SAMMSON: variants seen among roughly 807,000 people sequenced by gnomAD.
The protein encoded by SAMMSON is survival associated mitochondrial melanoma specific oncogenic non-coding RNA.
At chr3:70,050,071 C>A (rs1473895504) in intron 3 of SAMMSON, among the ~76,000 whole-genome samples, 2 of 152,094 alleles carry the variant, frequency 1.3e-5, no homozygotes, top group Non-Finnish European at 2.9e-5. Context: ...GGAGGTATTA[C>A]AAGCTAAAGG....
intron 7 of SAMMSON, among the ~76,000 whole-genome samples, chr3:70,311,699 A>G (rs918810792): frequency 2.1e-4 from 32 of 152,148 alleles, no homozygotes; most frequent in Non-Finnish European, 3.7e-4. Context: ...AAGCATTTTA[A>G]TAATAAAGAT....
At chr3:70,251,587 G>T (rs1389893708) in intron 6 of SAMMSON, among the ~76,000 whole-genome samples, 1 of 152,170 alleles carries the variant, frequency 6.6e-6, no homozygotes, top group Non-Finnish European at 1.5e-5. Flanking sequence ...TTAGTGGCTT[G>T]ACTTGGCCAA....
chr3:70,219,848 G>A (rs139308830), intron 4 of SAMMSON, among the ~76,000 whole-genome samples: 3 of 152,218 alleles, frequency 2.0e-5, no homozygotes, highest in Non-Finnish European at 4.4e-5. Flanking sequence ...AGAACATACA[G>A]ATCTCACCTA....
rs145391729 is a variant in SAMMSON, at chr3:70,207,872, A to C, written n.508-41235A>C. ...TGGAACCAGTTCCCCTCAGACACTG[A>C]GGGACAACTGTATGCATTCTCCTGC... On this transcript the variant is annotated intron_variant and non_coding_transcript_variant, in intron 4 of 9. Transcript: ENST00000642114. 3.4e-4 allele frequency among the ~76,000 whole-genome samples: 52 copies of C among 152,112 alleles called. No individual in the cohort carries two copies. In the East Asian group the frequency reaches 6.4e-3, roughly 19 times the overall value.
intron 4 of SAMMSON, among the ~76,000 whole-genome samples, chr3:70,081,139 A>G (rs142250578): frequency 0.016 from 2,382 of 152,242 alleles, 34 homozygotes; most frequent in Middle Eastern, 0.048. Flanking sequence ...TTTAAGACGG[A>G]GTCTCACTCT....
intron 3 of SAMMSON, among the ~76,000 whole-genome samples, chr3:70,047,279 G>C (rs2067130357): frequency 6.6e-6 from 1 of 151,746 alleles, no homozygotes; most frequent in Non-Finnish European, 1.5e-5. Flanking sequence ...AAATATAGTA[G>C]ATGCTCAGCA....
chr3:70,010,858 CAG>C (rs951198918), intron 1 of SAMMSON, among the ~76,000 whole-genome samples: 11 of 152,160 alleles, frequency 7.2e-5, no homozygotes, highest in African/African-American at 2.2e-4. Flanking sequence ...TGAGTGCAAA[CAG>C]GGGAAATGCC....
chr3:70,037,712 G>T (rs2067091550), intron 3 of SAMMSON, among the ~76,000 whole-genome samples: 1 of 152,078 alleles, frequency 6.6e-6, no homozygotes, highest in African/African-American at 2.4e-5. Context: ...TTGCACCTGT[G>T]GCAGACATTA....
At chr3:70,220,388 A>G (rs1701451937) in intron 4 of SAMMSON, among the ~76,000 whole-genome samples, 1 of 152,082 alleles carries the variant, frequency 6.6e-6, no homozygotes, top group Non-Finnish European at 1.5e-5. Flanking sequence ...GCAGTGAGCT[A>G]TGATGGCACC....
At chr3:70,243,854 G>A (rs1465356323) in intron 4 of SAMMSON, among the ~76,000 whole-genome samples, 1 of 152,208 alleles carries the variant, frequency 6.6e-6, no homozygotes, top group Non-Finnish European at 1.5e-5. Flanking sequence ...AGGAGGATAT[G>A]TGGAGGAATT....
intron 4 of SAMMSON, among the ~76,000 whole-genome samples, chr3:70,232,921 G>T (rs1295540835): frequency 6.6e-6 from 1 of 152,100 alleles, no homozygotes; most frequent in Non-Finnish European, 1.5e-5. Flanking sequence ...AGGCGTGGGG[G>T]TTCACACCGG....
At chr3:70,107,880 A>G (rs2067373365) in intron 4 of SAMMSON, among the ~76,000 whole-genome samples, 1 of 152,086 alleles carries the variant, frequency 6.6e-6, no homozygotes, top group African/African-American at 2.4e-5. Flanking sequence ...ACATCCTGCA[A>G]TGTGTTAGGT....
intron 7 of SAMMSON, among the ~76,000 whole-genome samples, chr3:70,293,958 A>T (rs557265254): frequency 3.3e-5 from 5 of 152,198 alleles, no homozygotes; most frequent in African/African-American, 1.2e-4. Context: ...CAGAGGGAGC[A>T]TACAAGCAGA....
intron 2 of SAMMSON, among the ~76,000 whole-genome samples, chr3:70,402,129 T>C (rs1701145928): frequency 6.6e-6 from 1 of 152,228 alleles, no homozygotes; most frequent in African/African-American, 2.4e-5. Flanking sequence ...AAAATGTATA[T>C]TGACATAGAA....
downstream of SAMMSON, among the ~76,000 whole-genome samples, chr3:70,391,549 C>G (rs940348902): frequency 6.6e-6 from 1 of 151,784 alleles, no homozygotes; most frequent in Non-Finnish European, 1.5e-5. Flanking sequence ...AGTCTGTAGT[C>G]CAATTATATG....
intron 2 of SAMMSON, among the ~76,000 whole-genome samples, chr3:70,420,344 G>T (rs1701301445): frequency 6.6e-6 from 1 of 152,104 alleles, no homozygotes; most frequent in Non-Finnish European, 1.5e-5. Flanking sequence ...TCAAGAGAAA[G>T]AAAAATTTGT....
intron 4 of SAMMSON, among the ~76,000 whole-genome samples, chr3:70,140,650 C>G (rs12330187): frequency 0.27 from 41,610 of 152,040 alleles, 6,014 homozygotes; most frequent in East Asian, 0.52. Context: ...AGCAGTGATT[C>G]TATCTTAATG....
At chr3:70,277,088 A>G (rs901491165) in intron 6 of SAMMSON, among the ~76,000 whole-genome samples, 7 of 152,162 alleles carry the variant, frequency 4.6e-5, no homozygotes, top group Admixed American at 2.0e-4. Flanking sequence ...TTTATTTTCA[A>G]TGAGGCGTGA....
chr3:70,406,953 A>C (rs1363940623), intron 2 of SAMMSON, among the ~76,000 whole-genome samples: 1 of 152,216 alleles, frequency 6.6e-6, no homozygotes, highest in Non-Finnish European at 1.5e-5. Flanking sequence ...AAAGAGGTTT[A>C]ATTGGACTTA....
Sources: allele counts gnomAD v4.1 joint callset (sites outside exome capture counted in the v4.1 genomes callset), GRCh38; gene constraint gnomAD v4.1.1; transcripts MANE v1.5; gene names NCBI Gene and HGNC (gene_info 2026-07-23, HGNC 2026-07-21).